The following CPEB4 variants were observed in gnomAD, a reference collection of about 807,000 sequenced individuals.
The protein encoded by CPEB4 is cytoplasmic polyadenylation element-binding protein 4.
A neutral mutation model predicts 72.5 loss-of-function variants in CPEB4; 12 were observed. The observed-to-expected ratio is 0.17, with a 90% CI of 0.11 to 0.27. The LOEUF is 0.27. Ranked by LOEUF, CPEB4 falls within the 10% of genes least tolerant of loss-of-function variation. The pLI, the probability that CPEB4 is intolerant of heterozygous loss-of-function variation, is 1.00. For synonymous variants in CPEB4, 302 were observed against 326.3 expected, an observed-to-expected ratio of 0.93 and a Z score of 0.80; for missense variants, 614 against 908.5, an observed-to-expected ratio of 0.68 and a Z score of 4.17.
At chr5:173,949,912 AC>A in intron 6 of CPEB4, 47 bp from the exon 7 acceptor site, 1 of 1,302,744 alleles carries the variant, frequency 7.7e-7, no homozygotes. Flanking sequence ...CTGAAGAATT[AC>A]CAAAAAATAG....
chr5:173,900,634 T>A lies in CPEB4; in HGVS notation c.1125+9776T>A, dbSNP rs1255589189. ...AAGTCTTATACTGATAGTTTTGGGG[T>A]CATAGGTTTGAACATATTTTGATTA... is the stretch of plus-strand genomic sequence containing the variant. On this transcript the variant is annotated intron_variant, in intron 1 of 9. Coordinates refer to ENST00000265085, the MANE Select transcript of CPEB4 (RefSeq NM_030627.4). This position sits in a 1 kb window ranked among gnomAD's most constrained non-coding sequence, Gnocchi z 4.4. Among the ~76,000 whole-genome samples, 1 of 152,178 alleles carries A rather than the reference T, an allele frequency of 6.6e-6. No individual in the cohort carries two copies. The highest frequency in any genetic ancestry group is 1.5e-5 in the Non-Finnish European group (1 of 68,024).
rs542176561 is a variant in CPEB4 at position 173,946,665 on chromosome 5, T to C, written c.1456+1525T>C. 1.2e-4 allele frequency among the ~76,000 whole-genome samples: 19 copies of C among 152,304 alleles called. No homozygotes were observed. The South Asian group carries it at 3.9e-3, about 32-fold the overall frequency. On this transcript the variant is annotated intron_variant, in intron 5 of 9. Transcript: ENST00000265085. ...AAGAGAATTCTGGTTGCTGCACTTATTTTTAATTTTCTTACAATAGAGCTG... is the reference window on the plus strand; with the variant it reads ...AAGAGAATTCTGGTTGCTGCACTTACTTTTAATTTTCTTACAATAGAGCTG...
At position 173,889,500 on chromosome 5, in the gene CPEB4, A is replaced by C. The variant is rs750889655; in HGVS notation, c.-234A>C. The C allele has an allele frequency of 1.5e-5, 6 of 394,938 alleles. No individual in the cohort carries two copies. Among genetic ancestry groups the C allele is most frequent in the Non-Finnish European group, 1.4e-5 (3 of 221,236 alleles). The allele number at this position is 394,938 out of a possible 1,614,324, so 24.5% of individuals were successfully genotyped here. Reference sequence around the variant, plus strand: ...TTATTCCCTCCTAAAAATAAGCCCAATTGGATCCAAGTCAATGTTTTAAGA... The same window carrying C: ...TTATTCCCTCCTAAAAATAAGCCCACTTGGATCCAAGTCAATGTTTTAAGA... On this transcript the variant is annotated 5_prime_UTR_variant, in exon 1 of 10. Coordinates refer to ENST00000265085, the MANE Select transcript of CPEB4 (RefSeq NM_030627.4).
chr5:173,892,274 A>ATTTTTTTTTTTTTTTTTTTTTTTTTTT (rs71820084), intron 1 of CPEB4, among the ~76,000 whole-genome samples: 1 of 120,770 alleles, frequency 8.3e-6, no homozygotes. Flanking sequence ...TCTAAAAACG[A>ATTTTTTTTTTTTTTTTTTTTTTTTTTT]TTTTTTTTTT....
chr5:173,902,155 A>G (rs1407639577), intron 1 of CPEB4, among the ~76,000 whole-genome samples: 1 of 152,188 alleles, frequency 6.6e-6, no homozygotes, highest in Non-Finnish European at 1.5e-5. Context: ...TATGGGCTCT[A>G]CTGGCATCTC....
Position 173,890,456 on chromosome 5 carries a change from T to G in CPEB4, c.723T>G (p.His241Gln). Reference sequence around the variant, plus strand: ...ACCCACATCACCCTCATTTCCAGCATCATCACAGCCAGCATCAGCAGCAAA... The same window carrying G: ...ACCCACATCACCCTCATTTCCAGCAGCATCACAGCCAGCATCAGCAGCAAA... ...QHHPHHPHFQ[H>Q]HHSQHQQQRR... Residue 241 changes from histidine (H) to glutamine (Q), a missense_variant, in exon 1 of 10, where the codon CAT becomes CAG. Coordinates refer to ENST00000265085, the MANE Select transcript of CPEB4 (RefSeq NM_030627.4). 2 of 1,612,364 alleles carry G rather than the reference T, an allele frequency of 1.2e-6. No homozygotes were observed. Among genetic ancestry groups the G allele is most frequent in the Non-Finnish European group, 8.5e-7 (1 of 1,179,004 alleles).
At chr5:173,946,509 T>C (rs1758019328) in intron 5 of CPEB4, among the ~76,000 whole-genome samples, 1 of 152,078 alleles carries the variant, frequency 6.6e-6, no homozygotes, top group African/African-American at 2.4e-5. Context: ...ACAAAACCAA[T>C]AAAGCAGAAA....
chr5:173,900,362 G>A lies in CPEB4; in HGVS notation c.1125+9504G>A, dbSNP rs915121245. 4.0e-5 allele frequency among the ~76,000 whole-genome samples: 6 copies of A among 151,800 alleles called. No homozygotes were observed. The highest frequency in any genetic ancestry group is 3.9e-4 in the East Asian group (2 of 5,178). On this transcript the variant is annotated intron_variant, in intron 1 of 9. Transcript: ENST00000265085. The surrounding 1 kb of genome is among the most constrained non-coding windows in gnomAD (Gnocchi z 4.4). ...AGAGGTTGCAGTGAGCCGAGATCGCGCCATTGCACTCCAGCCTGGACAACA... is the reference window on the plus strand; with the variant it reads ...AGAGGTTGCAGTGAGCCGAGATCGCACCATTGCACTCCAGCCTGGACAACA...
intron 1 of CPEB4, among the ~76,000 whole-genome samples, chr5:173,901,600 A>G (rs1756235323): frequency 6.6e-6 from 1 of 152,180 alleles, no homozygotes; most frequent in Non-Finnish European, 1.5e-5. Context: ...CACTTAAACC[A>G]CTTTTCCTGA....
chr5:173,944,460 G>A (rs1439132818), intron 4 of CPEB4, among the ~76,000 whole-genome samples: 3 of 134,472 alleles, frequency 2.2e-5, no homozygotes, highest in African/African-American at 8.2e-5. Flanking sequence ...GGGTAAAAGA[G>A]CGAGACACTG....
chr5:173,889,089 T>C lies in CPEB4; in HGVS notation c.-645T>C, dbSNP rs1443286747. 4 of 152,104 alleles carry C rather than the reference T, an allele frequency of 2.6e-5. No homozygotes were observed. The highest frequency in any genetic ancestry group is 2.6e-4 in the Admixed American group (4 of 15,256). 9.4% of individuals were successfully genotyped at this position (152,104 alleles called of 1,614,324 possible). A position where few individuals can be genotyped will look rare whatever the true frequency, so the allele number is the denominator to read the frequency against. ...GCAGAAACCTCCCTGCAATCATCTT[T>C]CCATTAGTCAATGCTGATTTCCTCT... On this transcript the variant is annotated 5_prime_UTR_variant, in exon 1 of 10. Coordinates refer to ENST00000265085, the MANE Select transcript of CPEB4 (RefSeq NM_030627.4).
At chr5:173,917,076 A>T (rs1329560282) in intron 2 of CPEB4, among the ~76,000 whole-genome samples, 1 of 152,118 alleles carries the variant, frequency 6.6e-6, no homozygotes, top group Non-Finnish European at 1.5e-5. Flanking sequence ...ACAGATACTG[A>T]CTCTGTGCAG....
At chr5:173,949,922 A>G in intron 6 of CPEB4, 38 bp from the exon 7 acceptor site, 2 of 1,393,054 alleles carry the variant, frequency 1.4e-6, no homozygotes, top group Non-Finnish European at 2.0e-6. Context: ...ACCAAAAAAT[A>G]GGAAAACATG....
intron 2 of CPEB4, among the ~76,000 whole-genome samples, chr5:173,916,017 A>G (rs984018707): frequency 2.6e-5 from 4 of 152,220 alleles, no homozygotes; most frequent in Admixed American, 2.0e-4. Flanking sequence ...ATAACAATCC[A>G]CAGTTTCATG....
chr5:173,941,651 T>G (rs1561628172), intron 3 of CPEB4, among the ~76,000 whole-genome samples: 1 of 151,924 alleles, frequency 6.6e-6, no homozygotes, highest in Admixed American at 6.6e-5. Context: ...GGTGGGCAGA[T>G]CACTTGAGAT....
intron 2 of CPEB4, among the ~76,000 whole-genome samples, chr5:173,922,785 G>A (rs142771234): frequency 7.9e-5 from 12 of 152,222 alleles, no homozygotes; most frequent in South Asian, 2.1e-4. Context: ...CAACTTTTGC[G>A]CTGCTTTGGA....
rs537088865 is a variant in CPEB4 at position 173,957,879 on chromosome 5, G to C, written c.*1742G>C. 1 of 152,822 alleles carries C rather than the reference G, an allele frequency of 6.5e-6. No homozygotes were observed. The highest frequency in any genetic ancestry group is 2.4e-5 in the African/African-American group (1 of 41,554). 9.5% of individuals were successfully genotyped at this position (152,822 alleles called of 1,614,324 possible). The stretch of plus-strand genomic sequence containing the variant: ...GAACTATACCTGTTAAGTTCCAAAG[G>C]TCAAAATGGAGGCATTTGCTGTCTA... On this transcript the variant is annotated 3_prime_UTR_variant, in exon 10 of 10. Coordinates refer to ENST00000265085, the MANE Select transcript of CPEB4 (RefSeq NM_030627.4).
At chr5:173,934,743 T>C (rs946470401) in intron 3 of CPEB4, among the ~76,000 whole-genome samples, 1 of 152,136 alleles carries the variant, frequency 6.6e-6, no homozygotes, top group Non-Finnish European at 1.5e-5. Flanking sequence ...CCAGTAGCAA[T>C]GTCCAGATTA....
At chr5:173,905,748 T>G (rs1424700015) in intron 1 of CPEB4, among the ~76,000 whole-genome samples, 6 of 152,238 alleles carry the variant, frequency 3.9e-5, no homozygotes, top group Non-Finnish European at 8.8e-5. Flanking sequence ...TAATAAATTC[T>G]CATCCTTATT....
Sources: gnomAD v4.1 joint callset for allele counts (sites outside exome capture counted in the v4.1 genomes callset) on GRCh38, gnomAD v4.1.1 for gene constraint, Gnocchi (gnomAD v3.1) non-coding constraint, MANE v1.5 for transcripts, NCBI Gene and HGNC (gene_info 2026-07-23, HGNC 2026-07-21) for gene names.